ATP9B: variants seen among roughly 807,000 people sequenced by gnomAD.
ATP9B encodes the protein probable phospholipid-transporting ATPase IIB.
A neutral mutation model predicts 146.1 loss-of-function variants in ATP9B; 110 were observed. That is an observed-to-expected ratio of 0.75 (90% CI 0.65 to 0.88). ATP9B has a LOEUF of 0.88. Among genes scored for constraint, ATP9B ranks in the 40% least tolerant of loss-of-function variants. The pLI, the probability that ATP9B is intolerant of heterozygous loss-of-function variation, is 0.00. For missense variants in ATP9B, 1,499 were observed against 1,496.4 expected, an observed-to-expected ratio of 1.00 and a Z score of -0.03; for synonymous variants, 604 against 569.7, an observed-to-expected ratio of 1.06 and a Z score of -0.86.
intron 12 of ATP9B, among the ~76,000 whole-genome samples, chr18:79,263,901 G>A (rs530086245): frequency 6.8e-4 from 103 of 152,284 alleles, no homozygotes; most frequent in Non-Finnish European, 1.1e-3. Context: ...TGGCTAACAC[G>A]GTGAAACCCT....
chr18:79,294,364 T>C (rs1017764285), intron 13 of ATP9B, among the ~76,000 whole-genome samples: 2 of 152,252 alleles, frequency 1.3e-5, no homozygotes, highest in Non-Finnish European at 2.9e-5. Context: ...CCAGACACCC[T>C]GCTTCCTGAT....
intron 25 of ATP9B, among the ~76,000 whole-genome samples, chr18:79,354,727 G>C (rs529064707): frequency 1.6e-4 from 25 of 151,864 alleles, no homozygotes; most frequent in African/African-American, 5.8e-4. Flanking sequence ...GTGAACAGAG[G>C]GGGCAAGGGG....
At chr18:79,110,327 C>T (rs1422157498) in intron 2 of ATP9B, 28 bp from the exon 3 acceptor site, 1 of 1,504,366 alleles carries the variant, frequency 6.6e-7, no homozygotes, top group Non-Finnish European at 8.9e-7. Context: ...AAAAAAAATA[C>T]ACAATACGTA....
intron 15 of ATP9B, among the ~76,000 whole-genome samples, chr18:79,326,598 A>G (rs1207411020): frequency 2.6e-5 from 4 of 151,932 alleles, no homozygotes; most frequent in Non-Finnish European, 5.9e-5. Context: ...CTGAGCTCAC[A>G]TGGTGTTCGG....
In ATP9B at chr18:79,347,753, G is replaced by A. The variant is rs375691412; in HGVS notation, c.2683-17G>A. 3 of 1,525,244 alleles carry A rather than the reference G, an allele frequency of 2.0e-6. No individual in the cohort carries two copies. Among genetic ancestry groups the A allele is most frequent in the Non-Finnish European group, 2.6e-6 (3 of 1,134,982 alleles). 94.5% of individuals were successfully genotyped at this position (1,525,244 alleles called of 1,614,324 possible). A position where few individuals can be genotyped will look rare whatever the true frequency, so the allele number is the denominator to read the frequency against. On this transcript the variant is annotated splice_polypyrimidine_tract_variant and intron_variant, in intron 23 of 29. Transcript: ENST00000426216. ...CGTCCGCCATGTTTGAAAAGGCCCC[G>A]TGTGCTTTTCTCTCAGGAGGGTAAA...
intron 6 of ATP9B, among the ~76,000 whole-genome samples, chr18:79,148,029 A>G (rs974860740): frequency 6.6e-6 from 1 of 152,242 alleles, no homozygotes; most frequent in Admixed American, 6.5e-5. Context: ...AAAGACAGTT[A>G]TGAAATACTA....
At chr18:79,073,916 T>C (rs2072290749) in intron 1 of ATP9B, among the ~76,000 whole-genome samples, 1 of 152,252 alleles carries the variant, frequency 6.6e-6, no homozygotes, top group Non-Finnish European at 1.5e-5. Context: ...GATTGCCTTT[T>C]CTAATTCAGA....
At position 79,303,597 on chromosome 18, in the gene ATP9B, A is replaced by G. The variant is rs771847581; in HGVS notation, c.1412-7A>G. 13 of 1,612,742 alleles carry G rather than the reference A, an allele frequency of 8.1e-6. No homozygotes were observed. The Middle Eastern group carries it at 1.7e-3, about 205-fold the overall frequency. On this transcript the variant is annotated splice_region_variant and splice_polypyrimidine_tract_variant and intron_variant, in intron 13 of 29. Coordinates refer to ENST00000426216, the MANE Select transcript of ATP9B (RefSeq NM_198531.5). ...TAATGTGTTTGCTGTTGTCCCCTTT[A>G]TCCTAGGAACCCTCACCCAGAATGA...
intron 12 of ATP9B, among the ~76,000 whole-genome samples, chr18:79,272,522 C>T (rs928558191): frequency 6.0e-5 from 9 of 151,028 alleles, no homozygotes; most frequent in Admixed American, 1.3e-4. Flanking sequence ...TGCACGGATA[C>T]GCTCCTGTCC....
chr18:79,208,728 A>G (rs929858621), intron 10 of ATP9B, among the ~76,000 whole-genome samples: 1 of 152,102 alleles, frequency 6.6e-6, no homozygotes. Flanking sequence ...AATGTTACAT[A>G]CATATAAATG....
At chr18:79,224,929 C>T (rs550321379) in intron 11 of ATP9B, among the ~76,000 whole-genome samples, 46 of 151,734 alleles carry the variant, frequency 3.0e-4, no homozygotes, top group African/African-American at 9.7e-4. Context: ...GAGAAAAGGG[C>T]GACCTGTCTC....
At chr18:79,198,733 AGATTAAGAAAT>A (rs1307130915) in intron 9 of ATP9B, among the ~76,000 whole-genome samples, 2 of 152,216 alleles carry the variant, frequency 1.3e-5, no homozygotes, top group African/African-American at 4.8e-5. Flanking sequence ...GCTGTATAAA[AGATTAAGAAAT>A]GATACACCTG....
intron 19 of ATP9B, among the ~76,000 whole-genome samples, chr18:79,337,784 C>T (rs763285255): frequency 1.1e-4 from 17 of 152,354 alleles, no homozygotes; most frequent in South Asian, 4.1e-4. Flanking sequence ...CCCCACAGGA[C>T]GCATGGAGCC....
chr18:79,208,113 C>T (rs926217245), intron 10 of ATP9B, among the ~76,000 whole-genome samples: 1 of 152,052 alleles, frequency 6.6e-6, no homozygotes, highest in African/African-American at 2.4e-5. Flanking sequence ...GGCGTGGTGG[C>T]GGGCGCCTGT....
At chr18:79,214,368 T>A (rs2095609084) in intron 11 of ATP9B, among the ~76,000 whole-genome samples, 1 of 152,230 alleles carries the variant, frequency 6.6e-6, no homozygotes, top group South Asian at 2.1e-4. Flanking sequence ...TTGCACTCTT[T>A]TATGTTGATG....
intron 11 of ATP9B, among the ~76,000 whole-genome samples, chr18:79,231,473 A>C (rs575165506): frequency 7.9e-5 from 12 of 152,350 alleles, no homozygotes; most frequent in Admixed American, 2.0e-4. Context: ...AAGAATGGCC[A>C]TAATCAAAAA....
At chr18:79,179,541 T>G (rs531703429) in intron 8 of ATP9B, among the ~76,000 whole-genome samples, 1 of 152,282 alleles carries the variant, frequency 6.6e-6, no homozygotes, top group East Asian at 1.9e-4. Flanking sequence ...TCCTTCATGA[T>G]TCTTCTTTTC....
intron 1 of ATP9B, among the ~76,000 whole-genome samples, chr18:79,082,208 T>C (rs1271346201): frequency 6.6e-6 from 1 of 152,222 alleles, no homozygotes; most frequent in Non-Finnish European, 1.5e-5. Context: ...TATTGATACT[T>C]GTGTATGCTT....
intron 9 of ATP9B, chr18:79,194,700 T>A (rs571600662): frequency 6.6e-6 from 1 of 152,340 alleles, no homozygotes; most frequent in African/African-American, 2.4e-5. Context: ...ACAGGCTAAC[T>A]ATGAGAGTAG....
Sources: gnomAD v4.1 joint callset for allele counts (sites outside exome capture counted in the v4.1 genomes callset) on GRCh38, gnomAD v4.1.1 for gene constraint, MANE v1.5 for transcripts, NCBI Gene and HGNC (gene_info 2026-07-23, HGNC 2026-07-21) for gene names.